HDAC11: variants seen among roughly 807,000 people sequenced by gnomAD.
HDAC11 encodes the protein histone deacetylase 11.
HDAC11 carries 23 observed loss-of-function variants against 41.1 expected under a neutral mutation model. The ratio of observed to expected loss-of-function variants is 0.56; its 90% confidence interval spans 0.40 to 0.79. The LOEUF is 0.79. HDAC11 is among the 30% of genes least tolerant of loss of function. The pLI is 0.00. For missense variants in HDAC11, 402 were observed against 477.3 expected, an observed-to-expected ratio of 0.84 and a Z score of 1.47; for synonymous variants, 187 against 186.6, an observed-to-expected ratio of 1.00 and a Z score of -0.02.
chr3:13,482,646 G>A (rs773528556), intron 2 of HDAC11, among the ~76,000 whole-genome samples: 14 of 152,190 alleles, frequency 9.2e-5, no homozygotes, highest in Non-Finnish European at 1.5e-4. Context: ...ACTTAGCTGG[G>A]GGTGGTGGTA....
chr3:13,487,159 G>A (rs1054276820), intron 3 of HDAC11, among the ~76,000 whole-genome samples: 1 of 152,110 alleles, frequency 6.6e-6, no homozygotes, highest in Non-Finnish European at 1.5e-5. Context: ...TGCTGCCCAG[G>A]TGGGACCCAA....
intron 3 of HDAC11, among the ~76,000 whole-genome samples, chr3:13,485,196 A>G (rs1229760069): frequency 6.6e-6 from 1 of 152,190 alleles, no homozygotes; most frequent in African/African-American, 2.4e-5. Flanking sequence ...CTGCTCCCCA[A>G]CCGCAGCCTG....
intron 5 of HDAC11, among the ~76,000 whole-genome samples, chr3:13,500,457 T>A (rs1030347595): frequency 2.0e-5 from 3 of 152,168 alleles, no homozygotes; most frequent in African/African-American, 7.2e-5. Flanking sequence ...GCTTCTGGAA[T>A]GATGAGCTAT....
chr3:13,488,288 C>T (rs906757712), intron 3 of HDAC11, among the ~76,000 whole-genome samples: 3 of 152,058 alleles, frequency 2.0e-5, no homozygotes, highest in African/African-American at 4.8e-5. Flanking sequence ...TAACAAAATT[C>T]GCCATTAACC....
At chr3:13,501,175 C>G (rs1702348615) in intron 6 of HDAC11, among the ~76,000 whole-genome samples, 1 of 152,228 alleles carries the variant, frequency 6.6e-6, no homozygotes, top group African/African-American at 2.4e-5. Context: ...CCAACCCGCG[C>G]TGTGCTCCAG....
chr3:13,500,289 G>C (rs1198975631), intron 5 of HDAC11, among the ~76,000 whole-genome samples: 4 of 152,044 alleles, frequency 2.6e-5, no homozygotes, highest in Non-Finnish European at 5.9e-5. Flanking sequence ...GGCCCTCCTC[G>C]TGGCTGTAGG....
intron 5 of HDAC11, 145 bp from the exon 6 acceptor site, chr3:13,500,568 G>A: frequency 1.5e-6 from 1 of 660,150 alleles, no homozygotes; most frequent in South Asian, 1.8e-5. Flanking sequence ...CCAGCACTCA[G>A]CTTAGTTTGC....
chr3:13,481,741 C>T (rs1292468353), intron 2 of HDAC11, among the ~76,000 whole-genome samples: 5 of 152,284 alleles, frequency 3.3e-5, no homozygotes, highest in East Asian at 3.9e-4. Context: ...AGAGCACCTC[C>T]ACCGCACCTC....
intron 3 of HDAC11, among the ~76,000 whole-genome samples, chr3:13,489,482 T>G (rs1473657905): frequency 6.6e-6 from 1 of 152,260 alleles, no homozygotes; most frequent in Non-Finnish European, 1.5e-5. Context: ...TTTCCCCTGT[T>G]GAATGGTCTT....
chr3:13,486,842 G>A (rs1360500816), intron 3 of HDAC11, among the ~76,000 whole-genome samples: 1 of 152,138 alleles, frequency 6.6e-6, no homozygotes, highest in Admixed American at 6.5e-5. Context: ...GCCTCCCAAA[G>A]TGCTGGGATT....
intron 8 of HDAC11, among the ~76,000 whole-genome samples, chr3:13,503,715 G>T (rs915092994): frequency 6.6e-6 from 1 of 152,230 alleles, no homozygotes; most frequent in Non-Finnish European, 1.5e-5. Context: ...GATGAGTCTG[G>T]TGTGGATAAG....
At chr3:13,498,817 CCT>C (rs976817253) in intron 5 of HDAC11, among the ~76,000 whole-genome samples, 5 of 152,120 alleles carry the variant, frequency 3.3e-5, no homozygotes, top group African/African-American at 1.2e-4. Context: ...TCCCCAGCCC[CCT>C]CTTTGCGTAC....
chr3:13,496,976 A>G (rs1702129349), intron 4 of HDAC11, 124 bp downstream of exon 4: 2 of 516,052 alleles, frequency 3.9e-6, no homozygotes, highest in Non-Finnish European at 6.8e-6. Flanking sequence ...AATATTCCTC[A>G]AGGCTCGGCA....
At chr3:13,494,916 C>T (rs915549612) in intron 3 of HDAC11, among the ~76,000 whole-genome samples, 2 of 152,130 alleles carry the variant, frequency 1.3e-5, no homozygotes, top group Non-Finnish European at 2.9e-5. Flanking sequence ...GGCCTGGCTA[C>T]AGCACCTCTT....
intron 3 of HDAC11, among the ~76,000 whole-genome samples, chr3:13,486,267 C>CAAAAAAA (rs76727800): frequency 1.1e-3 from 70 of 65,104 alleles, no homozygotes; most frequent in East Asian, 1.8e-3. Flanking sequence ...AACTCCATCT[C>CAAAAAAA]AAAAAAAAAA....
At chr3:13,504,018 C>CCTGGTGTCCACAGTCTTGT in intron 8 of HDAC11, 76 bp from the exon 9 acceptor site, 1 of 1,375,278 alleles carries the variant, frequency 7.3e-7, no homozygotes, top group South Asian at 1.3e-5. Context: ...TCCAGTCTTG[C>CCTGGTGTCCACAGTCTTGT]CTGGTGTCCA....
intron 3 of HDAC11, among the ~76,000 whole-genome samples, chr3:13,483,880 G>A (rs929146392): frequency 1.3e-5 from 2 of 152,028 alleles, no homozygotes; most frequent in Admixed American, 6.5e-5. Flanking sequence ...ACACGCCTCC[G>A]AGACCCCAGC....
chr3:13,492,279 G>T (rs1388084265), intron 3 of HDAC11, among the ~76,000 whole-genome samples: 1 of 152,228 alleles, frequency 6.6e-6, no homozygotes, highest in Non-Finnish European at 1.5e-5. Context: ...GATGATGCAG[G>T]TGAGGTGGCT....
chr3:13,502,102 C>T lies in HDAC11; in HGVS notation c.552+169C>T, dbSNP rs1192011774. The T allele has an allele frequency of 8.2e-6, 5 of 609,116 alleles. No homozygotes were observed. The highest frequency in any genetic ancestry group is 4.2e-5 in the South Asian group (2 of 48,186). The allele number at this position is 609,116 out of a possible 1,614,324, so 37.7% of individuals were successfully genotyped here. ...TCTGTCTTTGTCACTCTGTCCAGGA[C>T]AGCGGGTCCTCCTCATTGCTCCCGA... On this transcript the variant is annotated intron_variant, in intron 7 of 9. Coordinates refer to ENST00000295757, the MANE Select transcript of HDAC11 (RefSeq NM_024827.4). This position sits in a 1 kb window ranked among gnomAD's most constrained non-coding sequence, Gnocchi z 4.1.
Sources: gnomAD v4.1 joint callset for allele counts (sites outside exome capture counted in the v4.1 genomes callset) on GRCh38, gnomAD v4.1.1 for gene constraint, Gnocchi (gnomAD v3.1) non-coding constraint, MANE v1.5 for transcripts, NCBI Gene and HGNC (gene_info 2026-07-23, HGNC 2026-07-21) for gene names.